The following HEXD variants were observed in gnomAD, a reference collection of about 807,000 sequenced individuals.
The protein encoded by HEXD is hexosaminidase D.
In HEXD, 47 loss-of-function variants were observed where a neutral mutation model predicts 54.2. The observed-to-expected ratio is 0.87, with a 90% CI of 0.69 to 1.11. The LOEUF (loss-of-function observed/expected upper bound fraction) is 1.11. HEXD is among the 50% of genes least tolerant of loss of function. The probability of loss-of-function intolerance (pLI) is 0.00; values close to 1 mark genes in which losing one functional copy is unlikely to be tolerated. For missense variants in HEXD, 576 were observed against 649.2 expected (o/e 0.89, Z 1.23); for synonymous variants, 293 against 287.6 (o/e 1.02, Z -0.19).
intron 11 of HEXD, 127 bp downstream of exon 11, chr17:82,441,393 TGGGGCAGGTGCGGGTGA>T (rs981782483): frequency 3.6e-5 from 33 of 924,128 alleles, no homozygotes; most frequent in Middle Eastern, 3.5e-4. Context: ...CGGGCAGGCA[TGGGGCAGGTGCGGGTGA>T]GGGGCAGGTG....
rs1055770585 is a variant in HEXD at position 82,434,009 on chromosome 17, G to A, written c.447+187G>A. On this transcript the variant is annotated intron_variant, in intron 5 of 12. Transcript: ENST00000327949. The surrounding 1 kb of genome is among the most constrained non-coding windows in gnomAD (Gnocchi z 4.5). ...ACGGGACAGCCTGCGGAGCCCGAGGGAGGCACCCTCGTGTCAGACGCGTCC... is the reference window on the plus strand; with the variant it reads ...ACGGGACAGCCTGCGGAGCCCGAGGAAGGCACCCTCGTGTCAGACGCGTCC... Among the ~76,000 whole-genome samples the A allele has an allele frequency of 4.6e-5, 7 of 152,144 alleles. No homozygotes were observed. Among genetic ancestry groups the A allele is most frequent in the Non-Finnish European group, 1.0e-4 (7 of 67,986 alleles).
At position 82,418,351 on chromosome 17, in the gene HEXD, C is replaced by T. The variant is rs556798041; in HGVS notation, c.-441C>T. ...AGGCCCCGCCCCATCAGCCCCAGTCCCGCCCACTCCATGGCCCTGTCCGCC... is the reference window on the plus strand; with the variant it reads ...AGGCCCCGCCCCATCAGCCCCAGTCTCGCCCACTCCATGGCCCTGTCCGCC... On this transcript the variant is annotated 5_prime_UTR_variant, in exon 1 of 13. Transcript: ENST00000327949. 14 of 1,085,270 alleles carry T rather than the reference C, an allele frequency of 1.3e-5. 1 individual carries two copies. In the African/African-American group the frequency reaches 1.8e-4, roughly 14 times the overall value. 67.2% of individuals were successfully genotyped at this position (1,085,270 alleles called of 1,614,324 possible).
At chr17:82,437,845 G>A (rs917638924) in intron 8 of HEXD, among the ~76,000 whole-genome samples, 3 of 152,200 alleles carry the variant, frequency 2.0e-5, no homozygotes, top group African/African-American at 4.8e-5. Context: ...CAGCATAGGC[G>A]TGCCCAGCTC....
intron 3 of HEXD, 55 bp from the exon 4 acceptor site, chr17:82,428,503 G>A: frequency 2.0e-6 from 3 of 1,502,086 alleles, no homozygotes; most frequent in Non-Finnish European, 1.9e-6. Flanking sequence ...GGGGGTGGGT[G>A]TGGAAGTCAC....
Position 82,442,536 on chromosome 17 carries a change from C to T in HEXD, c.*152C>T, listed in dbSNP as rs1025099388. 2.0e-5 allele frequency: 32 copies of T among 1,588,152 alleles called. No individual in the cohort carries two copies. Among genetic ancestry groups the T allele is most frequent in the African/African-American group, 4.0e-5 (3 of 74,516 alleles). On this transcript the variant is annotated 3_prime_UTR_variant, in exon 13 of 13. Coordinates refer to ENST00000327949, the MANE Select transcript of HEXD (RefSeq NM_001330542.2). The surrounding 1 kb of genome is among the most constrained non-coding windows in gnomAD (Gnocchi z 6.8). ...AGTTCCTGAGGGCCCTGGGCAGCCC[C>T]TGGGGGAGAGACTAGAAAACACAGA...
chr17:82,433,718 C>G lies in HEXD; in HGVS notation c.343C>G (p.Leu115Val). Residue 115 changes from leucine (L) to valine (V), a missense_variant, in exon 5 of 13, where the codon CTG (leucine) becomes GTG (valine). By Grantham distance (32) the Leu-to-Val change is conservative. Coordinates refer to ENST00000327949, the MANE Select transcript of HEXD (RefSeq NM_001330542.2). ...LREVGSFPCT[L>V]NPHEAESLAL... ...GGAGGTGGGCTCCTTCCCCTGCACCCTGAACCCCCACGAGGCAGAGTCCCT... is the reference window on the plus strand; with the variant it reads ...GGAGGTGGGCTCCTTCCCCTGCACCGTGAACCCCCACGAGGCAGAGTCCCT... 6.2e-7 allele frequency: 1 copy of G among 1,613,244 alleles called. No individual in the cohort carries two copies.
At chr17:82,425,053 AGAGAAGGCTGGAGAAGGCTG>A (rs1378789922) in intron 3 of HEXD, among the ~76,000 whole-genome samples, 1 of 144,404 alleles carries the variant, frequency 6.9e-6, no homozygotes, top group East Asian at 2.1e-4. Context: ...GGAGGAGGCC[AGAGAAGGCTGGAGAAGGCTG>A]GAGAAGGCTG....
rs776159272 is a variant in HEXD at position 82,442,355 on chromosome 17, C to G, written c.1432C>G (p.Pro478Ala). 1.2e-6 allele frequency: 2 copies of G among 1,611,118 alleles called. No homozygotes were observed. The highest frequency in any genetic ancestry group is 1.7e-6 in the Non-Finnish European group (2 of 1,179,092). ...VSAPPLPPTS[P>A]GRDVAQDP ...TGCCCCCCCGCTGCCACCCACCAGC[C>G]CTGGCAGGGACGTTGCTCAGGACCC... Residue 478 changes from proline to alanine, a missense_variant, in exon 13 of 13, where the codon CCT (proline) becomes GCT (alanine). Coordinates refer to ENST00000327949, the MANE Select transcript of HEXD (RefSeq NM_001330542.2). The surrounding 1 kb of genome is among the most constrained non-coding windows in gnomAD (Gnocchi z 6.8).
At chr17:82,437,385 C>T in intron 8 of HEXD, 22 bp downstream of exon 8, 1 of 1,557,690 alleles carries the variant, frequency 6.4e-7, no homozygotes, top group Non-Finnish European at 8.7e-7. Flanking sequence ...CCAGTCTGTC[C>T]TCAGAGGGTC....
Position 82,441,255 on chromosome 17 carries a change from G to C in HEXD, c.1152G>C (p.Leu384=), listed in dbSNP as rs755049111. Residue 384 remains leucine (L), a synonymous_variant, in exon 11 of 13, where the codon CTG becomes CTC. Coordinates refer to ENST00000327949, the MANE Select transcript of HEXD (RefSeq NM_001330542.2). ...LHLRSSVDAL[L]EGNRYVTGWF... is the part of the protein sequence containing the mutation. ...TGCGCAGCTCTGTGGATGCGCTGCT[G>C]GAGGGCAACAGGTGAGCGTGTGGGT... 7 of 1,611,944 alleles carry C rather than the reference G, an allele frequency of 4.3e-6. No individual in the cohort carries two copies. In the East Asian group the frequency reaches 1.6e-4, roughly 36 times the overall value.
chr17:82,436,875 C>A, intron 7 of HEXD, 137 bp downstream of exon 7: 1 of 774,716 alleles, frequency 1.3e-6, no homozygotes, highest in Non-Finnish European at 2.0e-6. Context: ...CCCCAGCAGA[C>A]CCCAGCCCAT....
intron 9 of HEXD, 167 bp downstream of exon 9, chr17:82,439,880 C>T (rs1406729676): frequency 1.3e-6 from 2 of 1,535,068 alleles, no homozygotes; most frequent in Admixed American, 3.9e-5. Flanking sequence ...GCCCTGAAGT[C>T]CACCCAGGCT....
Position 82,435,890 on chromosome 17 carries a change from G to T in HEXD, c.631+18G>T. On this transcript the variant is annotated intron_variant, in intron 6 of 12. Coordinates refer to ENST00000327949, the MANE Select transcript of HEXD (RefSeq NM_001330542.2). Reference sequence around the variant, plus strand: ...GCTCGCAGGTCGGCCAACAGGGCTGGGGGAGGGGGTGGGCCACTGAACTGC... The same window carrying T: ...GCTCGCAGGTCGGCCAACAGGGCTGTGGGAGGGGGTGGGCCACTGAACTGC... 6.3e-7 allele frequency: 1 copy of T among 1,596,256 alleles called. No individual in the cohort carries two copies. Among genetic ancestry groups the T allele is most frequent in the Non-Finnish European group, 8.5e-7 (1 of 1,173,236 alleles).
chr17:82,437,167 GTCC>G lies in HEXD; in HGVS notation c.709_711del (p.Leu237del). ...ACTCACCTGTTTGCTTTCTCACCCA[GTCC>G]TCCTCATGCAGAAGTACCGGCGGTG... is the stretch of plus-strand genomic sequence containing the variant. On this transcript the variant is annotated inframe_deletion and splice_region_variant, in exon 8 of 13. Coordinates refer to ENST00000327949, the MANE Select transcript of HEXD (RefSeq NM_001330542.2). 6.3e-7 allele frequency: 1 copy of G among 1,580,268 alleles called. No homozygotes were observed. Among genetic ancestry groups the G allele is most frequent in the South Asian group, 1.1e-5 (1 of 87,270 alleles).
intron 5 of HEXD, among the ~76,000 whole-genome samples, chr17:82,435,270 A>G (rs935726967): frequency 2.6e-5 from 4 of 151,814 alleles, no homozygotes; most frequent in Non-Finnish European, 5.9e-5. Flanking sequence ...TCTGCTTCCT[A>G]TCTCGGTGGA....
intron 2 of HEXD, chr17:82,420,551 T>G (rs2053204459): frequency 6.6e-6 from 1 of 152,268 alleles, no homozygotes; most frequent in Non-Finnish European, 1.5e-5. Flanking sequence ...TAAATTTCTG[T>G]TGTGTCAAGC....
chr17:82,440,071 G>T, intron 9 of HEXD: 1 of 1,294,820 alleles, frequency 7.7e-7, no homozygotes, highest in South Asian at 1.2e-5. Flanking sequence ...TCAGGCGCCC[G>T]GCCCTGGAAG....
intron 4 of HEXD, among the ~76,000 whole-genome samples, chr17:82,431,477 G>T (rs1197740239): frequency 6.7e-6 from 1 of 149,658 alleles, no homozygotes; most frequent in African/African-American, 2.5e-5. Context: ...CACCCAGGCT[G>T]GAGTGCAGCG....
rs201299200 is a variant in HEXD at position 82,437,196 on chromosome 17, C to T, written c.732C>T (p.Cys244=). 2.6e-5 allele frequency: 41 copies of T among 1,598,530 alleles called. No homozygotes were observed. The Admixed American group carries it at 4.3e-4, about 17-fold the overall frequency. The change falls in exon 8 of 13, where the codon TGC becomes TGT. Residue 244 remains cysteine, a synonymous_variant. Coordinates refer to ENST00000327949, the MANE Select transcript of HEXD (RefSeq NM_001330542.2). ...KVLLMQKYRR[C]GFPQLWAASA... The stretch of plus-strand genomic sequence containing the variant: ...TCCTCATGCAGAAGTACCGGCGGTG[C>T]GGCTTTCCGCAGCTGTGGGCAGCCA...
Sources: allele counts gnomAD v4.1 joint callset (sites outside exome capture counted in the v4.1 genomes callset), GRCh38; gene constraint gnomAD v4.1.1; non-coding constraint Gnocchi (gnomAD v3.1); transcripts MANE v1.5; gene names NCBI Gene and HGNC (gene_info 2026-07-23, HGNC 2026-07-21).